The following FRMD6 variants were observed in gnomAD, a reference collection of about 807,000 sequenced individuals.
FRMD6 encodes the protein FERM domain-containing protein 6.
A neutral mutation model predicts 73.2 loss-of-function variants in FRMD6; 37 were observed. The observed-to-expected ratio is 0.51, with a 90% confidence interval of 0.39 to 0.66. FRMD6 has a LOEUF of 0.66. Ranked by LOEUF, FRMD6 falls within the 30% of genes least tolerant of loss-of-function variation. The probability of loss-of-function intolerance (pLI) is 0.00; values close to 1 mark genes in which losing one functional copy is unlikely to be tolerated. For synonymous variants in FRMD6, 273 were observed against 282.2 expected, an observed-to-expected ratio of 0.97 and a Z score of 0.33; for missense variants, 714 against 780.5, an observed-to-expected ratio of 0.91 and a Z score of 1.02.
chr14:51,528,416 T>C (rs963236471), intron 1 of FRMD6, among the ~76,000 whole-genome samples: 1 of 152,216 alleles, frequency 6.6e-6, no homozygotes, highest in African/African-American at 2.4e-5. Context: ...CACTTTTCCT[T>C]CCTGCTTTTT....
At chr14:51,688,910 G>A (rs1274412292) in intron 1 of FRMD6, among the ~76,000 whole-genome samples, 1 of 152,164 alleles carries the variant, frequency 6.6e-6, no homozygotes, top group African/African-American at 2.4e-5. Flanking sequence ...TCAAAAACCT[G>A]ATAAGTTAAA....
the FRMD6 span, among the ~76,000 whole-genome samples, chr14:51,452,932 C>G: frequency 0.015 from 2,294 of 152,232 alleles, 59 homozygotes; most frequent in African/African-American, 0.053. Flanking sequence ...CAGAAACCCT[C>G]TCAGTGGTTT....
At chr14:51,528,363 A>AT (rs1885382749) in intron 1 of FRMD6, among the ~76,000 whole-genome samples, 1 of 152,132 alleles carries the variant, frequency 6.6e-6, no homozygotes, top group South Asian at 2.1e-4. Context: ...GAATAGGCAG[A>AT]TTTTCCACCT....
chr14:51,641,339 A>C (rs1594641376), intron 2 of FRMD6, among the ~76,000 whole-genome samples: 1 of 152,284 alleles, frequency 6.6e-6, no homozygotes, highest in East Asian at 1.9e-4. Flanking sequence ...ATTGCTATTA[A>C]GTGAAAAGCT....
intron 2 of FRMD6, among the ~76,000 whole-genome samples, chr14:51,606,751 G>T (rs979939533): frequency 7.2e-5 from 11 of 152,224 alleles, no homozygotes; most frequent in African/African-American, 2.4e-4. Context: ...ACCGTGACAC[G>T]CCATACACAA....
chr14:51,624,267 A>G (rs1891038127), intron 2 of FRMD6, among the ~76,000 whole-genome samples: 1 of 152,222 alleles, frequency 6.6e-6, no homozygotes. Flanking sequence ...TACCTATGTA[A>G]CAAACCTTCA....
At chr14:51,686,713 A>G (rs1429141127) in intron 1 of FRMD6, among the ~76,000 whole-genome samples, 1 of 152,176 alleles carries the variant, frequency 6.6e-6, no homozygotes, top group Non-Finnish European at 1.5e-5. Flanking sequence ...GCCCTGTAGT[A>G]AGAAATGTGT....
the FRMD6 span, among the ~76,000 whole-genome samples, chr14:51,404,146 G>A: frequency 9.2e-5 from 14 of 151,972 alleles, no homozygotes; most frequent in Admixed American, 4.6e-4. Flanking sequence ...TTGCATTGTA[G>A]TTTTAATCTG....
rs144016037 is a variant in FRMD6 at position 51,585,923 on chromosome 14, A to ATGTGTGTGTGTGTG, written c.-147+15517_-147+15530dup. Among the ~76,000 whole-genome samples the ATGTGTGTGTGTGTG allele has an allele frequency of 3.6e-3, 131 of 36,782 alleles. 19 individuals carry two copies. Among genetic ancestry groups the ATGTGTGTGTGTGTG allele is most frequent in the Non-Finnish European group, 7.1e-3 (101 of 14,174 alleles). The allele number at this position is 36,782 out of a possible 152,430, so 24.1% of individuals were successfully genotyped here. A position where few individuals can be genotyped will look rare whatever the true frequency, so the allele number is the denominator to read the frequency against. Reference sequence around the variant, plus strand: ...TTATGGCTGAATAGTATGCCATGGCATGTGTGTGTGTGTGTGTATATATAT... The same window carrying ATGTGTGTGTGTGTG: ...TTATGGCTGAATAGTATGCCATGGCATGTGTGTGTGTGTGTGTGTGTGTGTGTGTGTATATATAT... On this transcript the variant is annotated intron_variant, in intron 2 of 14. Transcript: ENST00000356218.
chr14:51,719,905 C>T, intron 10 of FRMD6, 150 bp from the exon 11 acceptor site: 1 of 628,862 alleles, frequency 1.6e-6, no homozygotes, highest in Non-Finnish European at 2.7e-6. Flanking sequence ...TTTCAGTCTT[C>T]TGAAGTCAAA....
At chr14:51,651,615 C>G (rs1810299203), upstream of FRMD6, 1 of 152,246 alleles carries the variant, frequency 6.6e-6, no homozygotes, top group African/African-American at 2.4e-5. Flanking sequence ...AGGCTCGCCT[C>G]GCTTCCTGGG....
At chr14:51,598,197 CT>C (rs1889828044) in intron 2 of FRMD6, among the ~76,000 whole-genome samples, 1 of 152,154 alleles carries the variant, frequency 6.6e-6, no homozygotes, top group Non-Finnish European at 1.5e-5. Context: ...ATTTCTCCCC[CT>C]AGCCCCCAAA....
At chr14:51,707,875 C>G (rs1199322371) in intron 6 of FRMD6, among the ~76,000 whole-genome samples, 1 of 152,134 alleles carries the variant, frequency 6.6e-6, no homozygotes, top group Non-Finnish European at 1.5e-5. Context: ...AGCAGTACAA[C>G]TAAATTGACT....
intron 2 of FRMD6, among the ~76,000 whole-genome samples, chr14:51,635,417 A>G (rs1214223645): frequency 2.0e-5 from 3 of 152,226 alleles, no homozygotes; most frequent in Non-Finnish European, 2.9e-5. Context: ...AAGGAGGCAG[A>G]GTCTAGCTGT....
At chr14:51,490,841 A>T (rs555902643) in intron 1 of FRMD6, among the ~76,000 whole-genome samples, 2 of 152,264 alleles carry the variant, frequency 1.3e-5, no homozygotes, top group African/African-American at 4.8e-5. Flanking sequence ...GAAAATAAAT[A>T]CTGTGTTCCT....
At chr14:51,692,166 T>C (rs1049918112) in intron 2 of FRMD6, among the ~76,000 whole-genome samples, 1 of 152,170 alleles carries the variant, frequency 6.6e-6, no homozygotes, top group Non-Finnish European at 1.5e-5. Context: ...TTCCAATGAT[T>C]AGCTACATTG....
At chr14:51,640,975 T>C (rs946924657) in intron 2 of FRMD6, among the ~76,000 whole-genome samples, 5 of 151,244 alleles carry the variant, frequency 3.3e-5, no homozygotes, top group African/African-American at 1.2e-4. Context: ...TAACTTTCCT[T>C]TTTTTTTTCT....
At chr14:51,417,980 G>C in the FRMD6 span, among the ~76,000 whole-genome samples, 2 of 152,030 alleles carry the variant, frequency 1.3e-5, no homozygotes, top group Admixed American at 1.3e-4. Context: ...TGTAGTTCTT[G>C]TGCCACGGTT....
chr14:51,453,531 A>G, the FRMD6 span, among the ~76,000 whole-genome samples: 1 of 152,340 alleles, frequency 6.6e-6, no homozygotes, highest in South Asian at 2.1e-4. Flanking sequence ...TACAGTGGAT[A>G]TACAGTTTTT....
Sources: gnomAD v4.1 joint callset for allele counts (sites outside exome capture counted in the v4.1 genomes callset) on GRCh38, gnomAD v4.1.1 for gene constraint, MANE v1.5 for transcripts, NCBI Gene and HGNC (gene_info 2026-07-23, HGNC 2026-07-21) for gene names.